Variants in ACBD6 observed in about 807,000 individuals in gnomAD.
ACBD6 encodes the protein acyl-CoA-binding domain-containing protein 6.
Under a neutral mutation model 37.2 loss-of-function variants are expected in ACBD6, and 28 were observed. That is an observed-to-expected ratio of 0.75 (90% CI 0.56 to 1.03). The LOEUF (loss-of-function observed/expected upper bound fraction) is 1.03. ACBD6 is among the 50% of genes least tolerant of loss of function. The probability of loss-of-function intolerance (pLI) is 0.00; values close to 1 mark genes in which losing one functional copy is unlikely to be tolerated. For synonymous variants in ACBD6, 113 were observed against 126.8 expected, an observed-to-expected ratio of 0.89 and a Z score of 0.73; for missense variants, 340 against 337.4, an observed-to-expected ratio of 1.01 and a Z score of -0.06.
At chr1:180,282,402 A>G (rs1649339718) in intron 8 of ACBD6, among the ~76,000 whole-genome samples, 2 of 152,228 alleles carry the variant, frequency 1.3e-5, no homozygotes, top group African/African-American at 4.8e-5. Flanking sequence ...GCAGTTAAAA[A>G]AAAAGAGCAA....
chr1:180,387,822 T>G (rs1194798918), intron 6 of ACBD6, among the ~76,000 whole-genome samples: 1 of 152,184 alleles, frequency 6.6e-6, no homozygotes, highest in Non-Finnish European at 1.5e-5. Flanking sequence ...CTGCACCCAT[T>G]GGTATTTCTG....
intron 7 of ACBD6, among the ~76,000 whole-genome samples, chr1:180,306,281 C>A (rs1371071110): frequency 6.6e-6 from 1 of 151,414 alleles, no homozygotes; most frequent in Admixed American, 6.6e-5. Context: ...CCAACCAAAC[C>A]AAACAAAACA....
chr1:180,431,716 G>A (rs569582578), intron 3 of ACBD6, among the ~76,000 whole-genome samples: 1 of 152,000 alleles, frequency 6.6e-6, no homozygotes, highest in East Asian at 1.9e-4. Flanking sequence ...CATACTTGGC[G>A]CTCGAGATGA....
intron 4 of ACBD6, among the ~76,000 whole-genome samples, chr1:180,427,962 A>G (rs1405645664): frequency 6.6e-6 from 1 of 151,594 alleles, no homozygotes; most frequent in Non-Finnish European, 1.5e-5. Context: ...ACGAATTTTC[A>G]TTATGGCCTA....
At chr1:180,416,171 C>A (rs920958331) in intron 4 of ACBD6, among the ~76,000 whole-genome samples, 1 of 152,098 alleles carries the variant, frequency 6.6e-6, no homozygotes, top group African/African-American at 2.4e-5. Flanking sequence ...TTACCTTCTA[C>A]AACCAAGCTG....
chr1:180,448,300 T>G (rs1649553819), intron 3 of ACBD6, among the ~76,000 whole-genome samples: 1 of 152,200 alleles, frequency 6.6e-6, no homozygotes, highest in Non-Finnish European at 1.5e-5. Flanking sequence ...AATCCTTAAC[T>G]ATTGCAACTT....
intron 4 of ACBD6, among the ~76,000 whole-genome samples, chr1:180,423,412 T>C (rs1239569528): frequency 6.6e-6 from 1 of 152,186 alleles, no homozygotes; most frequent in Non-Finnish European, 1.5e-5. Context: ...AACATCTTCT[T>C]CTACTACATA....
chr1:180,295,605 GTC>G lies in ACBD6; in HGVS notation c.695-7090_695-7089del, dbSNP rs1314089709. On this transcript the variant is annotated intron_variant, in intron 7 of 7. Transcript: ENST00000367595. ...TCCCAACAGCATTTGTTCATTTTGT[GTC>G]TCTGTGTCACACTGTGGGGATTCTC... Among the ~76,000 whole-genome samples, 10 of 151,460 alleles carry G rather than the reference GTC, an allele frequency of 6.6e-5. No homozygotes were observed. The East Asian group carries it at 1.2e-3, about 18-fold the overall frequency.
At chr1:180,426,538 G>C (rs1648588515) in intron 4 of ACBD6, among the ~76,000 whole-genome samples, 3 of 152,098 alleles carry the variant, frequency 2.0e-5, no homozygotes, top group African/African-American at 7.2e-5. Context: ...TATAAGATTT[G>C]TTACTCTCGT....
At chr1:180,354,856 G>A (rs991138529) in intron 6 of ACBD6, among the ~76,000 whole-genome samples, 1 of 152,074 alleles carries the variant, frequency 6.6e-6, no homozygotes, top group South Asian at 2.1e-4. Flanking sequence ...TTCTGATATA[G>A]TTTTTAAAAA....
intron 3 of ACBD6, among the ~76,000 whole-genome samples, chr1:180,462,629 T>C (rs748139089): frequency 7.2e-5 from 11 of 152,064 alleles, no homozygotes; most frequent in East Asian, 1.9e-4. Context: ...CACAATAATA[T>C]TGGGAGACTT....
At chr1:180,467,462 A>C (rs1650393895) in intron 3 of ACBD6, among the ~76,000 whole-genome samples, 1 of 150,106 alleles carries the variant, frequency 6.7e-6, no homozygotes, top group Non-Finnish European at 1.5e-5. Context: ...AAAAAAAAAA[A>C]AAAAAAAAAA....
chr1:180,367,716 T>A (rs1653101750), intron 6 of ACBD6, among the ~76,000 whole-genome samples: 2 of 152,322 alleles, frequency 1.3e-5, no homozygotes, highest in South Asian at 4.1e-4. Context: ...GCAAAATACA[T>A]GATCTTGTTC....
intron 6 of ACBD6, among the ~76,000 whole-genome samples, chr1:180,350,029 T>G (rs995968133): frequency 6.9e-6 from 1 of 145,744 alleles, no homozygotes; most frequent in Admixed American, 6.8e-5. Context: ...GACCCTTTTT[T>G]TTTTTTTTTT....
intron 3 of ACBD6, among the ~76,000 whole-genome samples, chr1:180,453,018 A>C (rs1055526470): frequency 4.6e-5 from 7 of 152,212 alleles, no homozygotes; most frequent in African/African-American, 1.7e-4. Flanking sequence ...TCCTTCTGAA[A>C]CTACTCCAAA....
intron 3 of ACBD6, among the ~76,000 whole-genome samples, 161 bp from the exon 4 acceptor site, chr1:180,430,423 C>G (rs1246682007): frequency 6.6e-6 from 1 of 152,102 alleles, no homozygotes; most frequent in African/African-American, 2.4e-5. Context: ...AACAGAAAGG[C>G]AATAGGATTC....
intron 7 of ACBD6, among the ~76,000 whole-genome samples, chr1:180,298,895 A>T (rs991974951): frequency 2.4e-4 from 36 of 152,328 alleles, no homozygotes; most frequent in African/African-American, 8.7e-4. Flanking sequence ...GTCCTTTTAA[A>T]CCACACAGGT....
intron 5 of ACBD6, among the ~76,000 whole-genome samples, chr1:180,398,308 CT>C (rs1486593535): frequency 4.6e-5 from 7 of 152,158 alleles, no homozygotes; most frequent in African/African-American, 7.2e-5. Context: ...ATGTCCATTT[CT>C]TTTTTTCTGG....
intron 4 of ACBD6, among the ~76,000 whole-genome samples, chr1:180,417,238 GA>G (rs1384156704): frequency 6.6e-6 from 1 of 152,126 alleles, no homozygotes; most frequent in African/African-American, 2.4e-5. Context: ...TGATCTACCT[GA>G]AAGGGTTCCT....
Sources: gnomAD v4.1 joint callset for allele counts (sites outside exome capture counted in the v4.1 genomes callset) on GRCh38, gnomAD v4.1.1 for gene constraint, MANE v1.5 for transcripts, NCBI Gene and HGNC (gene_info 2026-07-23, HGNC 2026-07-21) for gene names.